SCAPER: variants seen among roughly 807,000 people sequenced by gnomAD.
SCAPER encodes the protein S phase cyclin A-associated protein in the endoplasmic reticulum.
SCAPER carries 98 observed loss-of-function variants against 182.2 expected under a neutral mutation model. The observed-to-expected ratio is 0.54, with a 90% CI of 0.46 to 0.64. SCAPER has a LOEUF of 0.64. Among genes scored for constraint, SCAPER ranks in the 30% least tolerant of loss-of-function variants. The pLI, the probability that SCAPER is intolerant of heterozygous loss-of-function variation, is 0.00. For missense variants in SCAPER, 1,432 were observed against 1,690.0 expected, an observed-to-expected ratio of 0.85 and a Z score of 2.68; for synonymous variants, 605 against 564.6, an observed-to-expected ratio of 1.07 and a Z score of -1.01.
chr15:76,835,665 T>C (rs1280009201), intron 5 of SCAPER, among the ~76,000 whole-genome samples: 1 of 152,142 alleles, frequency 6.6e-6, no homozygotes, highest in African/African-American at 2.4e-5. Flanking sequence ...ACCATTCCTA[T>C]TCAATGCAGT....
intron 15 of SCAPER, among the ~76,000 whole-genome samples, chr15:76,741,821 G>C (rs1489837495): frequency 6.6e-6 from 1 of 152,106 alleles, no homozygotes; most frequent in Non-Finnish European, 1.5e-5. Flanking sequence ...TGGGATAAAG[G>C]AGATGGTGAG....
intron 8 of SCAPER, among the ~76,000 whole-genome samples, chr15:76,785,339 C>T (rs1183910733): frequency 3.3e-5 from 5 of 152,160 alleles, no homozygotes; most frequent in African/African-American, 7.2e-5. Flanking sequence ...TACCGTCTCA[C>T]ACCAGTTAGA....
chr15:76,440,789 T>C (rs1218145836), intron 25 of SCAPER, among the ~76,000 whole-genome samples: 2 of 151,446 alleles, frequency 1.3e-5, no homozygotes, highest in Non-Finnish European at 2.9e-5. Context: ...TGCATAAAAA[T>C]AGAACTGATG....
rs564304132 is a variant in SCAPER at position 76,829,314 on chromosome 15, A to C, written c.393+12420T>G. Among the ~76,000 whole-genome samples, 33 of 152,138 alleles carry C rather than the reference A, an allele frequency of 2.2e-4. 1 individual carries two copies. The highest frequency in any genetic ancestry group is 8.8e-5 in the Non-Finnish European group (6 of 68,012). On this transcript the variant is annotated intron_variant, in intron 5 of 31. Transcript: ENST00000563290. ...ATTCTGGGGACTCAGGAAAGGTGGG[A>C]GGGGACACAAGAGATAAAAGACTAC...
chr15:76,418,251 A>T (rs1165475353), intron 26 of SCAPER, among the ~76,000 whole-genome samples: 1 of 152,198 alleles, frequency 6.6e-6, no homozygotes, highest in Non-Finnish European at 1.5e-5. Context: ...CAGGGGAGTA[A>T]GGCATCCTGC....
intron 14 of SCAPER, among the ~76,000 whole-genome samples, chr15:76,757,022 A>G (rs1243208512): frequency 1.3e-5 from 2 of 151,414 alleles, no homozygotes; most frequent in Non-Finnish European, 2.9e-5. Context: ...TGCCCCACCC[A>G]CTTACCCAAA....
At chr15:76,468,702 A>G (rs1187450598) in intron 25 of SCAPER, among the ~76,000 whole-genome samples, 2 of 152,182 alleles carry the variant, frequency 1.3e-5, no homozygotes, top group Non-Finnish European at 2.9e-5. Flanking sequence ...ACAGGCTGCT[A>G]TCATATCATT....
chr15:76,544,320 A>G (rs1370954813), intron 23 of SCAPER, among the ~76,000 whole-genome samples: 1 of 152,206 alleles, frequency 6.6e-6, no homozygotes, highest in Non-Finnish European at 1.5e-5. Flanking sequence ...CTAGAAATGT[A>G]CCCTGAAGAA....
chr15:76,478,087 A>G (rs2050803583), intron 24 of SCAPER, among the ~76,000 whole-genome samples: 1 of 151,962 alleles, frequency 6.6e-6, no homozygotes, highest in Non-Finnish European at 1.5e-5. Context: ...TTTTAAGTTT[A>G]CTTCTGGTGC....
At chr15:76,895,883 AC>A (rs1351524701) in intron 1 of SCAPER, among the ~76,000 whole-genome samples, 2 of 151,994 alleles carry the variant, frequency 1.3e-5, no homozygotes, top group Non-Finnish European at 2.9e-5. Flanking sequence ...TACTAAAAAT[AC>A]AAAAAATTTG....
chr15:76,578,687 G>T (rs2048038687), intron 22 of SCAPER, among the ~76,000 whole-genome samples: 2 of 152,208 alleles, frequency 1.3e-5, no homozygotes, highest in Admixed American at 1.3e-4. Context: ...TAACTGCAGT[G>T]GCCAATAGCT....
chr15:76,820,576 C>G (rs1485086777), intron 5 of SCAPER, among the ~76,000 whole-genome samples: 1 of 113,526 alleles, frequency 8.8e-6, no homozygotes, highest in Non-Finnish European at 1.7e-5. Flanking sequence ...ACATCACACA[C>G]TGGGGACTGT....
intron 22 of SCAPER, among the ~76,000 whole-genome samples, chr15:76,596,627 G>A (rs2049520413): frequency 5.8e-5 from 7 of 120,906 alleles, no homozygotes; most frequent in African/African-American, 1.5e-4. Flanking sequence ...TGATCAAGTC[G>A]GCTTCATCCC....
At chr15:76,832,457 CT>C (rs2068566358) in intron 5 of SCAPER, among the ~76,000 whole-genome samples, 1 of 152,154 alleles carries the variant, frequency 6.6e-6, no homozygotes, top group South Asian at 2.1e-4. Flanking sequence ...TGAACAAAAC[CT>C]CTGAGAAATA....
intron 29 of SCAPER, among the ~76,000 whole-genome samples, chr15:76,357,415 CT>C (rs2041063758): frequency 6.6e-6 from 1 of 152,172 alleles, no homozygotes; most frequent in African/African-American, 2.4e-5. Context: ...GAGATACCAT[CT>C]TACACCAATC....
rs116468544 is a variant in SCAPER at position 76,554,032 on chromosome 15, C to A, written c.2838+20126G>T. On this transcript the variant is annotated intron_variant, in intron 23 of 31. Transcript: ENST00000563290. ...TTCAGAATGTAGACAGGAATGAAGA[C>A]CATCAAGATTCAGGAAAAAGTCAAA... 5.9e-3 allele frequency among the ~76,000 whole-genome samples: 905 copies of A among 152,130 alleles called. 4 individuals carry two copies. The highest frequency in any genetic ancestry group is 0.021 in the African/African-American group (872 of 41,488).
At chr15:76,870,692 TA>T (rs988778746) in intron 2 of SCAPER, among the ~76,000 whole-genome samples, 3 of 150,470 alleles carry the variant, frequency 2.0e-5, no homozygotes, top group Admixed American at 1.3e-4. Flanking sequence ...AATGAAAACA[TA>T]AAAAAAATAG....
intron 15 of SCAPER, among the ~76,000 whole-genome samples, chr15:76,744,966 A>G (rs1340764168): frequency 2.0e-5 from 3 of 152,218 alleles, no homozygotes; most frequent in African/African-American, 7.2e-5. Context: ...CGCAACCAAA[A>G]GAAGAATGAA....
chr15:76,712,864 T>C (rs910835050), intron 17 of SCAPER, among the ~76,000 whole-genome samples: 2 of 152,222 alleles, frequency 1.3e-5, no homozygotes, highest in African/African-American at 2.4e-5. Flanking sequence ...TTTCTAGATA[T>C]ACAATCATGT....
Sources: gnomAD v4.1 joint callset for allele counts (sites outside exome capture counted in the v4.1 genomes callset) on GRCh38, gnomAD v4.1.1 for gene constraint, MANE v1.5 for transcripts, NCBI Gene and HGNC (gene_info 2026-07-23, HGNC 2026-07-21) for gene names.